The following WWOX variants were observed in gnomAD, a reference collection of about 807,000 sequenced individuals.
WWOX encodes WW domain containing oxidoreductase.
WWOX carries 69 observed loss-of-function variants against 46.2 expected under a neutral mutation model. The observed-to-expected ratio is 1.49, with a 90% CI of 1.23 to 1.82. The LOEUF is 1.82. Among genes scored for constraint, WWOX ranks in the 40% most tolerant of loss-of-function variants. The probability of loss-of-function intolerance (pLI) is 0.00; values close to 1 mark genes in which losing one functional copy is unlikely to be tolerated. For synonymous variants in WWOX, 359 were observed against 202.6 expected (o/e 1.77, Z -6.56); for missense variants, 919 against 542.6 (o/e 1.69, Z -6.89).
chr16:79,097,620 C>T (rs959410596), intron 8 of WWOX, among the ~76,000 whole-genome samples: 1 of 152,160 alleles, frequency 6.6e-6, no homozygotes, highest in South Asian at 2.1e-4. Flanking sequence ...AGAATGACGA[C>T]ATTCAACATC....
chr16:79,063,512 C>T (rs961326439), intron 8 of WWOX, among the ~76,000 whole-genome samples: 2 of 152,170 alleles, frequency 1.3e-5, no homozygotes, highest in Non-Finnish European at 2.9e-5. Flanking sequence ...CAAAACCAAA[C>T]AAAAGCCTGC....
At chr16:78,473,836 A>G (rs944329590) in intron 8 of WWOX, among the ~76,000 whole-genome samples, 9 of 152,154 alleles carry the variant, frequency 5.9e-5, no homozygotes, top group African/African-American at 1.9e-4. Flanking sequence ...CAGCTGTTGC[A>G]TGGTGTAGCA....
intron 8 of WWOX, among the ~76,000 whole-genome samples, chr16:78,702,007 T>TTACATATA (rs1491150899): frequency 1.4e-4 from 8 of 57,624 alleles, no homozygotes; most frequent in African/African-American, 5.2e-4. Context: ...CTACATAAAA[T>TTACATATA]TATATATATA....
At chr16:78,552,078 C>G (rs1018085922) in intron 8 of WWOX, 1 of 152,164 alleles carries the variant, frequency 6.6e-6, no homozygotes, top group Non-Finnish European at 1.5e-5. Flanking sequence ...GGGGCTCCCT[C>G]TGGAAAGAAA....
At chr16:78,185,709 C>T (rs1823702868) in intron 5 of WWOX, among the ~76,000 whole-genome samples, 1 of 152,094 alleles carries the variant, frequency 6.6e-6, no homozygotes, top group African/African-American at 2.4e-5. Flanking sequence ...CTCTGTTACC[C>T]AGGCTAGAGT....
chr16:79,195,948 C>G (rs1288922846), intron 8 of WWOX, among the ~76,000 whole-genome samples: 1 of 152,194 alleles, frequency 6.6e-6, no homozygotes, highest in Non-Finnish European at 1.5e-5. Context: ...TTGGTTATCT[C>G]AGGTGGTAAA....
At chr16:78,520,907 C>G (rs1430420120) in intron 8 of WWOX, among the ~76,000 whole-genome samples, 2 of 152,038 alleles carry the variant, frequency 1.3e-5, no homozygotes, top group Non-Finnish European at 2.9e-5. Flanking sequence ...TGTTAACAAG[C>G]AAAAGAAGAC....
chr16:78,692,528 G>A (rs1012522703), intron 8 of WWOX, among the ~76,000 whole-genome samples: 50 of 152,128 alleles, frequency 3.3e-4, no homozygotes, highest in Non-Finnish European at 1.9e-4. Context: ...GTTCTAAGAC[G>A]TCCAAGGAGC....
chr16:78,401,248 C>T (rs1173655316), intron 6 of WWOX, among the ~76,000 whole-genome samples: 1 of 151,324 alleles, frequency 6.6e-6, no homozygotes. Context: ...CTACATTTTC[C>T]ATAATTTAGT....
At chr16:78,107,625 A>G (rs1470089262) in intron 1 of WWOX, among the ~76,000 whole-genome samples, 1 of 152,126 alleles carries the variant, frequency 6.6e-6, no homozygotes, top group Non-Finnish European at 1.5e-5. Context: ...TCTTGGGACC[A>G]GTTAGGAACC....
In WWOX at chr16:78,246,934, G is replaced by A. The variant is rs538133824; in HGVS notation, c.516+82645G>A. On this transcript the variant is annotated intron_variant, in intron 5 of 8. Transcript: ENST00000566780. ...TTTCGGAGCCACAAGAATGCAAGAT[G>A]TCCTGTTTCCAGTCAGACCATAGCA... 1.4e-4 allele frequency among the ~76,000 whole-genome samples: 21 copies of A among 152,234 alleles called. No homozygotes were observed. The South Asian group carries it at 1.9e-3, about 14-fold the overall frequency.
chr16:79,100,443 A>G (rs527259643), intron 8 of WWOX, among the ~76,000 whole-genome samples: 23 of 152,158 alleles, frequency 1.5e-4, no homozygotes, highest in Non-Finnish European at 2.8e-4. Flanking sequence ...CTTTATTACC[A>G]CAGTAATAAA....
intron 4 of WWOX, among the ~76,000 whole-genome samples, chr16:78,150,277 G>A (rs1036574260): frequency 2.0e-5 from 3 of 152,210 alleles, no homozygotes; most frequent in African/African-American, 7.2e-5. Flanking sequence ...CATGCGGAGG[G>A]GATGTGGAGC....
At position 79,212,481 on chromosome 16, in the gene WWOX, TGAAAGGCA is replaced by T. The variant is rs2051801109; in HGVS notation, c.*687_*694del. ...TTTTCAAATCATTCCTTAGATACCT[TGAAAGGCA>T]GGAAGGGAAGCGTATATACTTAAGA... On this transcript the variant is annotated 3_prime_UTR_variant, in exon 9 of 9. Transcript: ENST00000566780. 4.5e-6 allele frequency: 1 copy of T among 221,788 alleles called. No homozygotes were observed. Among genetic ancestry groups the T allele is most frequent in the South Asian group, 9.3e-5 (1 of 10,736 alleles). The allele number at this position is 221,788 out of a possible 1,614,324, so 13.7% of individuals were successfully genotyped here.
chr16:78,277,335 C>A (rs4380066), intron 5 of WWOX, among the ~76,000 whole-genome samples: 109,994 of 151,966 alleles, frequency 0.72, 41,598 homozygotes, highest in East Asian at 1. Context: ...AAAATGATGT[C>A]AGGATCCTTT....
chr16:78,694,413 C>T (rs1055361097), intron 8 of WWOX, among the ~76,000 whole-genome samples: 3 of 152,150 alleles, frequency 2.0e-5, no homozygotes, highest in South Asian at 4.1e-4. Context: ...TGAAACAATG[C>T]CCTTCCCATT....
intron 5 of WWOX, among the ~76,000 whole-genome samples, chr16:78,210,674 A>G (rs1433580908): frequency 6.6e-6 from 1 of 152,212 alleles, no homozygotes; most frequent in Admixed American, 6.5e-5. Flanking sequence ...GTAAGGCATT[A>G]TATAATATTA....
chr16:79,101,904 A>C (rs567803295), intron 8 of WWOX: 4 of 151,300 alleles, frequency 2.6e-5, no homozygotes, highest in African/African-American at 9.7e-5. Context: ...TGCATGAAAC[A>C]CTCAGGGAGG....
intron 8 of WWOX, among the ~76,000 whole-genome samples, chr16:78,723,428 T>C (rs941400741): frequency 1.0e-4 from 15 of 149,542 alleles, no homozygotes; most frequent in Non-Finnish European, 1.5e-4. Flanking sequence ...CAAGCTATTA[T>C]TATAAATGAA....
Sources: gnomAD v4.1 joint callset for allele counts (sites outside exome capture counted in the v4.1 genomes callset) on GRCh38, gnomAD v4.1.1 for gene constraint, MANE v1.5 for transcripts, NCBI Gene and HGNC (gene_info 2026-07-23, HGNC 2026-07-21) for gene names.